Variants in MAGI2 observed in about 807,000 individuals in gnomAD.
MAGI2 encodes membrane-associated guanylate kinase, WW and PDZ domain-containing protein 2.
Under a neutral mutation model 133.3 loss-of-function variants are expected in MAGI2, and 35 were observed. That is an observed-to-expected ratio of 0.26 (90% CI 0.20 to 0.35). The LOEUF (loss-of-function observed/expected upper bound fraction) is 0.35, where lower values mean the gene tolerates loss of function less well. MAGI2 is among the 10% of genes least tolerant of loss of function. The pLI is 1.00. For synonymous variants in MAGI2, 729 were observed against 710.6 expected, an observed-to-expected ratio of 1.03 and a Z score of -0.41; for missense variants, 1,636 against 1,863.4, an observed-to-expected ratio of 0.88 and a Z score of 2.25.
rs1798790677 is a variant in MAGI2, at chr7:78,916,289, A to T, written c.418+90801T>A. ...CGTACTTAATGTAGTAGTGATTATC[A>T]TTTAAAATAACAAATAAATGTAAAT... On this transcript the variant is annotated intron_variant, in intron 2 of 21. Transcript: ENST00000354212. Among the ~76,000 whole-genome samples the T allele has an allele frequency of 2.0e-5, 3 of 152,106 alleles. No individual in the cohort carries two copies. The South Asian group carries it at 6.2e-4, about 31-fold the overall frequency.
At chr7:78,633,485 C>T (rs1357795318) in intron 2 of MAGI2, among the ~76,000 whole-genome samples, 2 of 151,856 alleles carry the variant, frequency 1.3e-5, no homozygotes, top group Non-Finnish European at 2.9e-5. Context: ...GCGGGTGGAT[C>T]ACGAGGTCAG....
chr7:78,366,636 AT>A (rs148620498), intron 7 of MAGI2, among the ~76,000 whole-genome samples: 40,163 of 152,118 alleles, frequency 0.26, 5,832 homozygotes, highest in Middle Eastern at 0.34. Flanking sequence ...GATGGAAGAT[AT>A]CCCCCATCTC....
At chr7:78,634,502 G>C (rs959207821) in intron 2 of MAGI2, among the ~76,000 whole-genome samples, 1 of 152,166 alleles carries the variant, frequency 6.6e-6, no homozygotes, top group Admixed American at 6.5e-5. Flanking sequence ...GGAAATCTGT[G>C]AACACCTCTT....
At chr7:78,147,006 G>T (rs1433424474) in intron 16 of MAGI2, among the ~76,000 whole-genome samples, 2 of 152,116 alleles carry the variant, frequency 1.3e-5, no homozygotes, top group Non-Finnish European at 2.9e-5. Flanking sequence ...AATATAAATG[G>T]AAACAGATAC....
At chr7:78,077,590 G>A (rs62461181) in intron 21 of MAGI2, among the ~76,000 whole-genome samples, 12,454 of 143,886 alleles carry the variant, frequency 0.087, 704 homozygotes, top group Non-Finnish European at 0.13. Context: ...TGGAAACAAC[G>A]CATTTAAGGT....
At chr7:79,009,534 A>G (rs1043763561) in intron 1 of MAGI2, among the ~76,000 whole-genome samples, 2 of 152,142 alleles carry the variant, frequency 1.3e-5, no homozygotes, top group African/African-American at 4.8e-5. Flanking sequence ...TTATTAATCC[A>G]GTATTCTTAC....
chr7:78,298,007 G>GA (rs796968713), intron 9 of MAGI2, among the ~76,000 whole-genome samples: 20 of 146,462 alleles, frequency 1.4e-4, no homozygotes, highest in East Asian at 2.0e-4. Context: ...AATTGTCTGG[G>GA]AAAAAAAAAA....
intron 21 of MAGI2, among the ~76,000 whole-genome samples, chr7:78,070,126 C>CACACACACATAT (rs3084738): frequency 7.3e-6 from 1 of 136,224 alleles, no homozygotes; most frequent in Non-Finnish European, 1.5e-5. Context: ...CACACACACA[C>CACACACACATAT]ATATATGTGT....
chr7:79,132,871 T>C lies in MAGI2; in HGVS notation c.302-125665A>G, dbSNP rs112942674. On this transcript the variant is annotated intron_variant, in intron 1 of 21. Transcript: ENST00000354212. ...TCAGGAGTACGGTGGTATCTCATTC[T>C]GGTTTTAGATTGCATTTCTCTGATG... Among the ~76,000 whole-genome samples the C allele has an allele frequency of 1.5e-3, 224 of 152,300 alleles. 1 individual carries two copies. The highest frequency in any genetic ancestry group is 5.2e-3 in the African/African-American group (217 of 41,570).
chr7:78,805,725 AC>A (rs1788521679), intron 2 of MAGI2, among the ~76,000 whole-genome samples: 1 of 152,162 alleles, frequency 6.6e-6, no homozygotes, highest in Non-Finnish European at 1.5e-5. Context: ...AAAGCCAATC[AC>A]CATGTCATAA....
chr7:78,323,921 G>A (rs1220662659), intron 9 of MAGI2, among the ~76,000 whole-genome samples: 2 of 151,974 alleles, frequency 1.3e-5, no homozygotes, highest in Non-Finnish European at 2.9e-5. Context: ...AAAAACCTGG[G>A]GCATATAGCA....
intron 21 of MAGI2, among the ~76,000 whole-genome samples, chr7:78,056,867 C>T (rs945604043): frequency 3.3e-5 from 5 of 152,144 alleles, no homozygotes; most frequent in African/African-American, 1.2e-4. Flanking sequence ...TACACACACA[C>T]TGACACACAC....
intron 2 of MAGI2, among the ~76,000 whole-genome samples, chr7:78,773,325 C>G (rs1207869): frequency 0.97 from 145,933 of 151,090 alleles, 70,496 homozygotes; most frequent in East Asian, 1. Flanking sequence ...ACAGGCCAGT[C>G]CCAAAAAAAA....
chr7:79,007,443 C>T (rs994386676), intron 1 of MAGI2, among the ~76,000 whole-genome samples: 6 of 152,130 alleles, frequency 3.9e-5, no homozygotes, highest in African/African-American at 1.2e-4. Flanking sequence ...ATTTATCCTT[C>T]ATTTAGAATG....
At chr7:78,800,685 C>G (rs1257793912) in intron 2 of MAGI2, among the ~76,000 whole-genome samples, 2 of 151,926 alleles carry the variant, frequency 1.3e-5, no homozygotes, top group African/African-American at 4.8e-5. Context: ...ATAATGACAC[C>G]ACTCTGTGGC....
At chr7:79,355,096 T>C (rs554841898) in intron 1 of MAGI2, among the ~76,000 whole-genome samples, 30 of 152,330 alleles carry the variant, frequency 2.0e-4, no homozygotes, top group African/African-American at 7.2e-4. Flanking sequence ...GAAAAGTGCC[T>C]TCCATACCTC....
intron 18 of MAGI2, among the ~76,000 whole-genome samples, chr7:78,128,841 C>G (rs1052617168): frequency 6.6e-6 from 1 of 152,106 alleles, no homozygotes; most frequent in Admixed American, 6.6e-5. Flanking sequence ...ATAATTTCGG[C>G]CTTGCTTTAT....
At chr7:79,107,416 TC>T (rs1466506032) in intron 1 of MAGI2, among the ~76,000 whole-genome samples, 24 of 152,310 alleles carry the variant, frequency 1.6e-4, no homozygotes, top group Admixed American at 1.6e-3. Flanking sequence ...AAGTGGATTC[TC>T]CCCTAGAAGC....
At chr7:78,765,316 G>A (rs1020109135) in intron 2 of MAGI2, among the ~76,000 whole-genome samples, 2 of 136,326 alleles carry the variant, frequency 1.5e-5, no homozygotes, top group Non-Finnish European at 3.1e-5. Context: ...CATTCAGTCA[G>A]TCATTTAACA....
Sources: gnomAD v4.1 joint callset for allele counts (sites outside exome capture counted in the v4.1 genomes callset) on GRCh38, gnomAD v4.1.1 for gene constraint, MANE v1.5 for transcripts, NCBI Gene and HGNC (gene_info 2026-07-23, HGNC 2026-07-21) for gene names.